PDHB: variants seen among roughly 807,000 people sequenced by gnomAD.
The protein encoded by PDHB is pyruvate dehydrogenase E1 component subunit beta, mitochondrial.
Under a neutral mutation model 42.8 loss-of-function variants are expected in PDHB, and 17 were observed. That is an observed-to-expected ratio of 0.40 (90% confidence interval 0.27 to 0.60). PDHB has a LOEUF of 0.60. Ranked by LOEUF, PDHB falls within the 20% of genes least tolerant of loss-of-function variation. PDHB has a pLI of 0.46. For missense variants in PDHB, 322 were observed against 451.3 expected (o/e 0.71, Z 2.60); for synonymous variants, 154 against 148.7 (o/e 1.04, Z -0.26).
chr3:58,431,701 C>A lies in PDHB; in HGVS notation c.267+30G>T. The A allele has an allele frequency of 6.2e-7, 1 of 1,603,836 alleles. No homozygotes were observed. The highest frequency in any genetic ancestry group is 8.5e-7 in the Non-Finnish European group (1 of 1,170,684). On this transcript the variant is annotated intron_variant, in intron 4 of 9. Coordinates refer to ENST00000302746, the MANE Select transcript of PDHB (RefSeq NM_000925.4). The surrounding 1 kb of genome is among the most constrained non-coding windows in gnomAD (Gnocchi z 4.4). ...TAATGGACACTAACAGACATGCCCT[C>A]CAGGGTCTGCTTCCCACTGGAAGGC... is the stretch of plus-strand genomic sequence containing the variant.
intron 2 of PDHB, 56 bp downstream of exon 2, chr3:58,433,575 C>G: frequency 1.3e-6 from 2 of 1,555,572 alleles, no homozygotes; most frequent in South Asian, 2.3e-5. Context: ...GGCCTCCTTC[C>G]CGAGAGAAGG....
In PDHB at chr3:58,431,679, T is replaced by C. The variant is rs1433415405; in HGVS notation, c.268-51A>G. ...TGAAAATCCATAAAAATGAGGATAA[T>C]GGACACTAACAGACATGCCCTCCAG... On this transcript the variant is annotated intron_variant, in intron 4 of 9. Transcript: ENST00000302746. This position sits in a 1 kb window ranked among gnomAD's most constrained non-coding sequence, Gnocchi z 4.4. The C allele has an allele frequency of 6.3e-7, 1 of 1,597,478 alleles. No individual in the cohort carries two copies. The highest frequency in any genetic ancestry group is 1.7e-5 in the Admixed American group (1 of 60,004).
At chr3:58,430,007 G>A (rs954055924) in intron 7 of PDHB, 121 bp downstream of exon 7, 19 of 742,870 alleles carry the variant, frequency 2.6e-5, no homozygotes, top group Non-Finnish European at 4.4e-5. Context: ...AGAAATTGGG[G>A]CATCTTGAGC....
intron 2 of PDHB, 101 bp downstream of exon 2, chr3:58,433,530 A>G (rs2062942247): frequency 7.6e-7 from 1 of 1,315,476 alleles, no homozygotes; most frequent in Admixed American, 2.0e-5. Context: ...CCCAAGGCCC[A>G]CGGCGCCGGA....
chr3:58,429,967 G>T, intron 7 of PDHB, 161 bp downstream of exon 7: 1 of 730,508 alleles, frequency 1.4e-6, no homozygotes, highest in Non-Finnish European at 2.5e-6. Flanking sequence ...AAACCTACCA[G>T]ACTGAGATCT....
In PDHB at chr3:58,427,998, C is replaced by A; in HGVS notation, c.*36G>T. ...CCAGGTGCAGTGCCAGCAAGTATTT[C>A]AAATAAATTTCAACGACTTGATATT... On this transcript the variant is annotated 3_prime_UTR_variant, in exon 10 of 10. Coordinates refer to ENST00000302746, the MANE Select transcript of PDHB (RefSeq NM_000925.4). The A allele has an allele frequency of 1.3e-6, 2 of 1,495,614 alleles. No homozygotes were observed. Among genetic ancestry groups the A allele is most frequent in the South Asian group, 1.1e-5 (1 of 87,920 alleles). 92.6% of individuals were successfully genotyped at this position (1,495,614 alleles called of 1,614,324 possible).
At chr3:58,433,244 T>C (rs2062939584) in intron 2 of PDHB, 1 of 314,872 alleles carries the variant, frequency 3.2e-6, no homozygotes, top group Non-Finnish European at 6.0e-6. Context: ...CTGCTTGGGA[T>C]GATTAAAAAG....
intron 2 of PDHB, chr3:58,432,211 A>G (rs1433525181): frequency 3.6e-6 from 2 of 548,786 alleles, no homozygotes; most frequent in East Asian, 6.4e-5. Flanking sequence ...GTACTGCCAA[A>G]TACTTTGCAT....
Position 58,431,877 on chromosome 3 carries a change from C to T in PDHB, c.204G>A (p.Lys68=). Residue 68 remains lysine, a splice_region_variant and synonymous_variant, in exon 3 of 10, where the codon AAG becomes AAA. Coordinates refer to ENST00000302746, the MANE Select transcript of PDHB (RefSeq NM_000925.4). The surrounding 1 kb of genome is among the most constrained non-coding windows in gnomAD (Gnocchi z 4.4). The stretch of plus-strand genomic sequence containing the variant: ...TATAACTTTCATATATTTTAGTTAC[C>T]TTGTATGCCCCATCATACTGGGCAA... ...EEVAQYDGAY[K]VSRGLWKKYG... 5 of 1,610,994 alleles carry T rather than the reference C, an allele frequency of 3.1e-6. No individual in the cohort carries two copies. The highest frequency in any genetic ancestry group is 4.2e-6 in the Non-Finnish European group (5 of 1,177,172).
In PDHB at chr3:58,433,679, G is replaced by A. The variant is rs375651141; in HGVS notation, c.48C>T (p.Ser16=). 14 of 1,612,684 alleles carry A rather than the reference G, an allele frequency of 8.7e-6. No homozygotes were observed. Among genetic ancestry groups the A allele is most frequent in the African/African-American group, 2.7e-5 (2 of 74,940 alleles). ...AGTGAAAGCGCCTCTTCAGCAGCCC[G>A]GAGACCTGGCAGGGAGAGAGGAAGA... ...GLVRRPLREV[S]GLLKRRFHWT... Residue 16 remains serine, a synonymous_variant, in exon 2 of 10, where the codon TCC becomes TCT. Coordinates refer to ENST00000302746, the MANE Select transcript of PDHB (RefSeq NM_000925.4).
intron 6 of PDHB, 112 bp from the exon 7 acceptor site, chr3:58,430,350 C>T: frequency 7.7e-6 from 6 of 775,662 alleles, no homozygotes; most frequent in Non-Finnish European, 1.3e-5. Context: ...GCTGATTAGC[C>T]TTATCTCTAC....
At chr3:58,430,516 T>A in intron 6 of PDHB, 141 bp downstream of exon 6, 1 of 778,818 alleles carries the variant, frequency 1.3e-6, no homozygotes, top group Non-Finnish European at 2.1e-6. Context: ...GCACATTCTT[T>A]ACTATCTTTA....
chr3:58,433,103 C>T (rs2062938281), intron 2 of PDHB: 1 of 176,722 alleles, frequency 5.7e-6, no homozygotes, highest in African/African-American at 2.4e-5. Context: ...ATAAGCCAGA[C>T]ACAAAAGGAC....
At chr3:58,429,633 T>C in intron 8 of PDHB, 75 bp downstream of exon 8, 1 of 920,288 alleles carries the variant, frequency 1.1e-6, no homozygotes, top group Non-Finnish European at 1.8e-6. Context: ...AATTAACCTG[T>C]TACAGAACTC....
intron 2 of PDHB, 171 bp downstream of exon 2, chr3:58,433,460 C>A: frequency 1.4e-6 from 1 of 703,220 alleles, no homozygotes; most frequent in Non-Finnish European, 2.5e-6. Flanking sequence ...CGCCGGTGTG[C>A]TAATTGCCAG....
At position 58,431,218 on chromosome 3, in the gene PDHB, T is replaced by C; in HGVS notation, c.304-276A>G. On this transcript the variant is annotated intron_variant, in intron 5 of 9. Transcript: ENST00000302746. This position sits in a 1 kb window ranked among gnomAD's most constrained non-coding sequence, Gnocchi z 4.4. ...ACCACATCTACCTACTTGGTATTTTTTTTTTTTCCCAAATGATGTTTTTAA... is the reference window on the plus strand; with the variant it reads ...ACCACATCTACCTACTTGGTATTTTCTTTTTTTCCCAAATGATGTTTTTAA... The C allele has an allele frequency of 2.0e-6, 1 of 495,878 alleles. No individual in the cohort carries two copies. The highest frequency in any genetic ancestry group is 2.2e-5 in the South Asian group (1 of 45,710). The allele number at this position is 495,878 out of a possible 1,614,324, so 30.7% of individuals were successfully genotyped here. A position where few individuals can be genotyped will look rare whatever the true frequency, so the allele number is the denominator to read the frequency against.
rs754765239 is a variant in PDHB at position 58,428,139 on chromosome 3, G to A, written c.975C>T (p.Val325=). The A allele has an allele frequency of 1.2e-6, 2 of 1,613,468 alleles. No homozygotes were observed. The highest frequency in any genetic ancestry group is 1.7e-6 in the Non-Finnish European group (2 of 1,179,482). ...AAGGCATAGGGACATCAGCACCAGTGACACGAACAGCAGGAGCATCCAGGA... is the reference window on the plus strand; with the variant it reads ...AAGGCATAGGGACATCAGCACCAGTAACACGAACAGCAGGAGCATCCAGGA... ...FNFLDAPAVR[V]TGADVPMPYA... The change falls in exon 10 of 10, where the codon GTC becomes GTT. Residue 325 remains valine (V), a synonymous_variant. Transcript: ENST00000302746.
rs1475148143 is a variant in PDHB, at chr3:58,427,824, G to T, written c.*210C>A. ...TTGTTATTCAAAGAACATGGCAACCGTAACAGACAAAAGGAAGCATGGCAT... is the reference window on the plus strand; with the variant it reads ...TTGTTATTCAAAGAACATGGCAACCTTAACAGACAAAAGGAAGCATGGCAT... On this transcript the variant is annotated 3_prime_UTR_variant, in exon 10 of 10. Transcript: ENST00000302746. The T allele has an allele frequency of 1.6e-6, 1 of 635,570 alleles. No homozygotes were observed. Among genetic ancestry groups the T allele is most frequent in the Non-Finnish European group, 2.9e-6 (1 of 344,972 alleles). The allele number at this position is 635,570 out of a possible 1,614,324, so 39.4% of individuals were successfully genotyped here.
At chr3:58,428,730 A>G in intron 8 of PDHB, 116 bp from the exon 9 acceptor site, 1 of 939,104 alleles carries the variant, frequency 1.1e-6, no homozygotes, top group South Asian at 1.4e-5. Flanking sequence ...GGAAAATCTA[A>G]TCTGCCTATG....
Sources: allele counts gnomAD v4.1 joint callset, GRCh38; gene constraint gnomAD v4.1.1; non-coding constraint Gnocchi (gnomAD v3.1); transcripts MANE v1.5; gene names NCBI Gene and HGNC (gene_info 2026-07-23, HGNC 2026-07-21).